NXPE2: variants seen among roughly 807,000 people sequenced by gnomAD.
The protein encoded by NXPE2 is NXPE family member 2.
NXPE2 carries 34 observed loss-of-function variants against 34.4 expected under a neutral mutation model. The ratio of observed to expected loss-of-function variants is 0.99; its 90% CI spans 0.75 to 1.31. The LOEUF is 1.31. Among genes scored for constraint, NXPE2 ranks in the 40% most tolerant of loss-of-function variants. NXPE2 has a pLI of 0.00. For missense variants in NXPE2, 649 were observed against 672.5 expected (o/e 0.97, Z 0.39); for synonymous variants, 235 against 231.3 (o/e 1.02, Z -0.15).
chr11:114,721,383 G>C, the NXPE2 span, among the ~76,000 whole-genome samples: 1 of 152,046 alleles, frequency 6.6e-6, no homozygotes, highest in Non-Finnish European at 1.5e-5. Context: ...CACAAAACCT[G>C]TCTCTGCCTG....
the NXPE2 span, among the ~76,000 whole-genome samples, chr11:114,795,873 C>T: frequency 1.3e-5 from 2 of 152,190 alleles, no homozygotes; most frequent in African/African-American, 4.8e-5. Flanking sequence ...CATAACTTCT[C>T]CCCAGGGATA....
At chr11:114,638,994 A>T in the NXPE2 span, among the ~76,000 whole-genome samples, 6 of 152,016 alleles carry the variant, frequency 3.9e-5, no homozygotes, top group Non-Finnish European at 1.5e-5. Context: ...GCTCTCTTCA[A>T]AGCTGTCAGA....
the NXPE2 span, among the ~76,000 whole-genome samples, chr11:114,747,241 TAG>T: frequency 1.3e-5 from 2 of 152,206 alleles, no homozygotes; most frequent in Non-Finnish European, 2.9e-5. Flanking sequence ...TATGTTCAAT[TAG>T]GTGTCTGACT....
the NXPE2 span, among the ~76,000 whole-genome samples, chr11:114,607,042 T>C: frequency 6.6e-6 from 1 of 152,006 alleles, no homozygotes; most frequent in Admixed American, 6.6e-5. Context: ...CAGTGGATAA[T>C]AAGTATTGCC....
the NXPE2 span, among the ~76,000 whole-genome samples, chr11:114,715,287 G>C: frequency 6.6e-6 from 1 of 152,138 alleles, no homozygotes; most frequent in Non-Finnish European, 1.5e-5. Context: ...ATAAAATTCA[G>C]TTTTCAGAGA....
At chr11:114,473,764 A>G in the NXPE2 span, among the ~76,000 whole-genome samples, 2 of 152,352 alleles carry the variant, frequency 1.3e-5, no homozygotes, top group Non-Finnish European at 2.9e-5. Context: ...GGAAATTGCC[A>G]TTTAAAAACT....
chr11:114,537,664 G>T, the NXPE2 span, among the ~76,000 whole-genome samples: 1 of 152,078 alleles, frequency 6.6e-6, no homozygotes, highest in Non-Finnish European at 1.5e-5. Flanking sequence ...CAAATCATGA[G>T]TGAACTCCCA....
the NXPE2 span, among the ~76,000 whole-genome samples, chr11:114,579,259 T>C: frequency 1.2e-3 from 185 of 152,250 alleles, no homozygotes; most frequent in African/African-American, 3.8e-3. Context: ...CTCATTACCA[T>C]GGGGAGGGCA....
chr11:114,641,114 C>G, the NXPE2 span, among the ~76,000 whole-genome samples: 1 of 151,924 alleles, frequency 6.6e-6, no homozygotes, highest in Non-Finnish European at 1.5e-5. Context: ...AAATAGTAGT[C>G]TGGTGCACGA....
the NXPE2 span, among the ~76,000 whole-genome samples, chr11:114,616,485 G>C: frequency 2.0e-5 from 3 of 151,652 alleles, no homozygotes; most frequent in Non-Finnish European, 1.5e-5. Flanking sequence ...TTGCCTCGAG[G>C]GTAACCACTG....
the NXPE2 span, among the ~76,000 whole-genome samples, chr11:114,474,530 GACTT>G: frequency 1.3e-5 from 2 of 152,176 alleles, no homozygotes; most frequent in African/African-American, 2.4e-5. Flanking sequence ...TATCAAGTAA[GACTT>G]ACAGTTATCA....
chr11:114,795,047 T>G, the NXPE2 span, among the ~76,000 whole-genome samples: 1 of 152,200 alleles, frequency 6.6e-6, no homozygotes, highest in Non-Finnish European at 1.5e-5. Context: ...CTAATAATAA[T>G]TGCTAACTTA....
At chr11:114,719,119 T>C in the NXPE2 span, among the ~76,000 whole-genome samples, 1 of 152,160 alleles carries the variant, frequency 6.6e-6, no homozygotes, top group Non-Finnish European at 1.5e-5. Context: ...TCTTCTGTTG[T>C]TTTTTATTAG....
the NXPE2 span, among the ~76,000 whole-genome samples, chr11:114,491,016 G>T: frequency 2.0e-5 from 3 of 149,742 alleles, no homozygotes. Context: ...CAAAAAATTA[G>T]CCGGGCGCGG....
chr11:114,658,635 G>C, the NXPE2 span, among the ~76,000 whole-genome samples: 1 of 152,172 alleles, frequency 6.6e-6, no homozygotes, highest in Non-Finnish European at 1.5e-5. Context: ...GAAGATCCCT[G>C]TGGTTGGGAA....
chr11:114,549,207 T>C, the NXPE2 span, among the ~76,000 whole-genome samples: 2 of 152,084 alleles, frequency 1.3e-5, no homozygotes, highest in South Asian at 4.2e-4. Context: ...AATCCCAATA[T>C]TACTTAAATA....
At chr11:114,476,677 T>TTATA in the NXPE2 span, among the ~76,000 whole-genome samples, 1 of 152,106 alleles carries the variant, frequency 6.6e-6, no homozygotes, top group South Asian at 2.1e-4. Flanking sequence ...GAAGAGCCCC[T>TTATA]TATAAAACCA....
At chr11:114,672,878 T>C in the NXPE2 span, among the ~76,000 whole-genome samples, 3 of 151,732 alleles carry the variant, frequency 2.0e-5, no homozygotes, top group East Asian at 5.8e-4. Flanking sequence ...TTCAATATCA[T>C]ATTTTCAATA....
the NXPE2 span, among the ~76,000 whole-genome samples, chr11:114,773,249 G>A: frequency 1.4e-5 from 2 of 145,126 alleles, no homozygotes; most frequent in Non-Finnish European, 3.0e-5. Flanking sequence ...TCAGTCAGGG[G>A]CAAGCCCATG....
Sources: gnomAD v4.1 joint callset for allele counts (sites outside exome capture counted in the v4.1 genomes callset) on GRCh38, gnomAD v4.1.1 for gene constraint, MANE v1.5 for transcripts, NCBI Gene and HGNC (gene_info 2026-07-23, HGNC 2026-07-21) for gene names.